Variants in TTC7B observed in about 807,000 individuals in gnomAD.
TTC7B encodes the protein tetratricopeptide repeat domain 7B.
A neutral mutation model predicts 106.8 loss-of-function variants in TTC7B; 28 were observed. The ratio of observed to expected loss-of-function variants is 0.26; its 90% CI spans 0.19 to 0.36. The LOEUF (loss-of-function observed/expected upper bound fraction) is 0.36, where lower values mean the gene tolerates loss of function less well. Among genes scored for constraint, TTC7B ranks in the 10% least tolerant of loss-of-function variants. The probability of loss-of-function intolerance (pLI) is 1.00; values close to 1 mark genes in which losing one functional copy is unlikely to be tolerated. For synonymous variants in TTC7B, 405 were observed against 430.6 expected, an observed-to-expected ratio of 0.94 and a Z score of 0.74; for missense variants, 862 against 1,076.4, an observed-to-expected ratio of 0.80 and a Z score of 2.79.
chr14:90,577,237 C>T lies in TTC7B; in HGVS notation c.2310+869G>A, dbSNP rs1178127772. 6.6e-6 allele frequency among the ~76,000 whole-genome samples: 1 copy of T among 152,210 alleles called. No homozygotes were observed. Among genetic ancestry groups the T allele is most frequent in the African/African-American group, 2.4e-5 (1 of 41,460 alleles). Reference sequence around the variant, plus strand: ...AAGCCCAGCATGCAGGCCCAGGGAACGTGGCACGGCTTTTCACAAGCTCCT... The same window carrying T: ...AAGCCCAGCATGCAGGCCCAGGGAATGTGGCACGGCTTTTCACAAGCTCCT... On this transcript the variant is annotated intron_variant, in intron 19 of 19. Transcript: ENST00000328459. The surrounding 1 kb of genome is among the most constrained non-coding windows in gnomAD (Gnocchi z 5.0).
intron 9 of TTC7B, among the ~76,000 whole-genome samples, chr14:90,660,395 C>CAAAAAAAAAAAAAAAAAAAAAAAAAAAAA (rs57030874): frequency 2.4e-5 from 1 of 40,892 alleles, no homozygotes; most frequent in African/African-American, 1.0e-4. Flanking sequence ...CACCCTGTCT[C>CAAAAAAAAAAAAAAAAAAAAAAAAAAAAA]AAAAAAAAAA....
intron 9 of TTC7B, 30 bp from the exon 10 acceptor site, chr14:90,658,417 A>G: frequency 6.3e-6 from 10 of 1,593,874 alleles, no homozygotes; most frequent in African/African-American, 2.7e-5. Context: ...AAATGCAGAC[A>G]TCTGAGAATC....
At chr14:90,680,600 C>G (rs1762537602) in intron 7 of TTC7B, 65 bp from the exon 8 acceptor site, 2 of 1,204,960 alleles carry the variant, frequency 1.7e-6, no homozygotes, top group East Asian at 2.3e-5. Flanking sequence ...ACAAGCAGAA[C>G]TGAACACTAA....
intron 19 of TTC7B, among the ~76,000 whole-genome samples, chr14:90,548,724 T>G (rs1380186378): frequency 6.6e-6 from 1 of 152,196 alleles, no homozygotes; most frequent in Admixed American, 6.5e-5. Context: ...AGAAACTTGA[T>G]GAGAGCAGCA....
At chr14:90,788,690 C>A (rs1312133659) in intron 1 of TTC7B, among the ~76,000 whole-genome samples, 1 of 152,024 alleles carries the variant, frequency 6.6e-6, no homozygotes, top group African/African-American at 2.4e-5. Flanking sequence ...TTAGGCAGGG[C>A]GCAGTGGCTC....
chr14:90,749,707 T>A (rs1212597605), intron 3 of TTC7B, among the ~76,000 whole-genome samples: 1 of 151,550 alleles, frequency 6.6e-6, no homozygotes, highest in Non-Finnish European at 1.5e-5. Context: ...ACCTGGCCAA[T>A]AATAATAATT....
intron 3 of TTC7B, chr14:90,766,842 C>A: frequency 6.3e-7 from 1 of 1,596,140 alleles, no homozygotes; most frequent in Non-Finnish European, 8.6e-7. Flanking sequence ...ATGGTCTGGA[C>A]AACAAGCTCC....
chr14:90,621,514 G>A (rs1011059824), intron 15 of TTC7B, among the ~76,000 whole-genome samples: 5 of 150,384 alleles, frequency 3.3e-5, no homozygotes, highest in South Asian at 4.2e-4. Flanking sequence ...ACGTGGGTAC[G>A]GCTGGGATGA....
chr14:90,555,797 C>G (rs779267344), intron 19 of TTC7B, among the ~76,000 whole-genome samples: 3 of 152,254 alleles, frequency 2.0e-5, no homozygotes, highest in Non-Finnish European at 4.4e-5. Context: ...GAGGCATCTG[C>G]CTTCTCCTTG....
At chr14:90,601,489 T>A (rs918746431) in intron 17 of TTC7B, among the ~76,000 whole-genome samples, 1 of 152,210 alleles carries the variant, frequency 6.6e-6, no homozygotes, top group African/African-American at 2.4e-5. Flanking sequence ...CTTCTCCCGG[T>A]GAATTACTGC....
intron 4 of TTC7B, among the ~76,000 whole-genome samples, chr14:90,730,942 T>C (rs545646918): frequency 6.6e-6 from 1 of 152,290 alleles, no homozygotes; most frequent in African/African-American, 2.4e-5. Flanking sequence ...AGTGTAAACA[T>C]GTAGCTGCTA....
At chr14:90,684,334 GA>G (rs1353561308) in intron 7 of TTC7B, among the ~76,000 whole-genome samples, 1 of 151,970 alleles carries the variant, frequency 6.6e-6, no homozygotes, top group Non-Finnish European at 1.5e-5. Context: ...GAAATACAAT[GA>G]AAAAAAGTAT....
Position 90,757,189 on chromosome 14 carries a change from G to A in TTC7B, c.446-12267C>T, listed in dbSNP as rs748592672. ...CTACATAGGCAAAAGAAAGCACCCC[G>A]GAAAGCTCCCCTGAACCACCCCGTT... On this transcript the variant is annotated intron_variant, in intron 3 of 19. Coordinates refer to ENST00000328459, the MANE Select transcript of TTC7B (RefSeq NM_001010854.2). The surrounding 1 kb of genome is among the most constrained non-coding windows in gnomAD (Gnocchi z 4.1). Among the ~76,000 whole-genome samples, 2 of 152,104 alleles carry A rather than the reference G, an allele frequency of 1.3e-5. No homozygotes were observed. Among genetic ancestry groups the A allele is most frequent in the Non-Finnish European group, 2.9e-5 (2 of 68,020 alleles).
In TTC7B at chr14:90,560,569, A is replaced by C. The variant is rs2139783326; in HGVS notation, c.2310+17537T>G. 1.3e-5 allele frequency among the ~76,000 whole-genome samples: 2 copies of C among 152,388 alleles called. 1 individual carries two copies. The highest frequency in any genetic ancestry group is 4.1e-4 in the South Asian group (2 of 4,832). On this transcript the variant is annotated intron_variant, in intron 19 of 19. Coordinates refer to ENST00000328459, the MANE Select transcript of TTC7B (RefSeq NM_001010854.2). The stretch of plus-strand genomic sequence containing the variant: ...GAGATACATTTTCTTCTATCACAGA[A>C]CAATGGAACGAGGAGAGGCTCAAAG...
At chr14:90,681,190 C>A (rs1012501162) in intron 7 of TTC7B, among the ~76,000 whole-genome samples, 1 of 152,056 alleles carries the variant, frequency 6.6e-6, no homozygotes, top group Non-Finnish European at 1.5e-5. Flanking sequence ...TCAGCAGAAC[C>A]CCAATCTGTA....
intron 1 of TTC7B, among the ~76,000 whole-genome samples, chr14:90,809,052 GC>G (rs959049053): frequency 2.0e-5 from 3 of 152,176 alleles, no homozygotes; most frequent in Admixed American, 2.0e-4. Context: ...GCTGCTCCAG[GC>G]CCAATTGCCA....
intron 1 of TTC7B, among the ~76,000 whole-genome samples, chr14:90,798,695 G>GT (rs1256112134): frequency 1.8e-5 from 2 of 112,942 alleles, no homozygotes; most frequent in Non-Finnish European, 3.4e-5. Context: ...GGGCGACAGA[G>GT]TGAGACTCCA....
At chr14:90,754,616 C>T (rs1890231044) in intron 3 of TTC7B, among the ~76,000 whole-genome samples, 1 of 152,138 alleles carries the variant, frequency 6.6e-6, no homozygotes, top group African/African-American at 2.4e-5. Context: ...ATAAAATTCA[C>T]CCATTAAAAG....
chr14:90,712,446 C>T (rs549610706), intron 5 of TTC7B, among the ~76,000 whole-genome samples: 2 of 152,164 alleles, frequency 1.3e-5, no homozygotes, highest in African/African-American at 4.8e-5. Flanking sequence ...AGTCAGTTTG[C>T]AGGATACAAC....
Sources: allele counts gnomAD v4.1 joint callset (sites outside exome capture counted in the v4.1 genomes callset), GRCh38; gene constraint gnomAD v4.1.1; non-coding constraint Gnocchi (gnomAD v3.1); transcripts MANE v1.5; gene names NCBI Gene and HGNC (gene_info 2026-07-23, HGNC 2026-07-21).